The following PPM1H variants were observed in gnomAD, a reference collection of about 807,000 sequenced individuals.
PPM1H encodes the protein protein phosphatase 1H.
PPM1H carries 27 observed loss-of-function variants against 54.9 expected under a neutral mutation model. The observed-to-expected ratio is 0.49, with a 90% confidence interval of 0.36 to 0.68. PPM1H has a LOEUF of 0.68. PPM1H is among the 30% of genes least tolerant of loss of function. PPM1H has a pLI of 0.00. For missense variants in PPM1H, 596 were observed against 667.8 expected, an observed-to-expected ratio of 0.89 and a Z score of 1.19; for synonymous variants, 305 against 270.8, an observed-to-expected ratio of 1.13 and a Z score of -1.24.
chr12:62,683,041 TATTA>T (rs1565755382), intron 8 of PPM1H, among the ~76,000 whole-genome samples: 11 of 57,582 alleles, frequency 1.9e-4, no homozygotes, highest in Non-Finnish European at 2.9e-4. Flanking sequence ...TATTTATTAT[TATTA>T]TTATTATTAT....
intron 1 of PPM1H, among the ~76,000 whole-genome samples, chr12:62,909,416 A>C: frequency 6.6e-6 from 1 of 151,316 alleles, no homozygotes; most frequent in Non-Finnish European, 1.5e-5. Context: ...TCTCCTCTGG[A>C]CCCTCATTTC....
intron 1 of PPM1H, among the ~76,000 whole-genome samples, chr12:62,899,642 C>G (rs1871098041): frequency 6.6e-6 from 1 of 152,158 alleles, no homozygotes; most frequent in Admixed American, 6.5e-5. Flanking sequence ...GCCAGCTTTG[C>G]TGAGACAGAT....
intron 1 of PPM1H, among the ~76,000 whole-genome samples, chr12:62,853,944 T>C (rs766641085): frequency 6.6e-6 from 1 of 152,156 alleles, no homozygotes; most frequent in Non-Finnish European, 1.5e-5. Context: ...CACAGAGTAC[T>C]ACAGAGATGG....
At chr12:62,818,220 C>A (rs1476572555) in intron 2 of PPM1H, among the ~76,000 whole-genome samples, 4 of 152,210 alleles carry the variant, frequency 2.6e-5, no homozygotes, top group African/African-American at 9.6e-5. Flanking sequence ...TGATCTCTTT[C>A]TCCTTCCACA....
chr12:62,723,107 G>A (rs2076272327), intron 5 of PPM1H, among the ~76,000 whole-genome samples: 1 of 152,162 alleles, frequency 6.6e-6, no homozygotes, highest in African/African-American at 2.4e-5. Context: ...TGGCAACACA[G>A]TCCACTGTAA....
chr12:62,911,764 A>C (rs1871466948), intron 1 of PPM1H, among the ~76,000 whole-genome samples: 1 of 152,214 alleles, frequency 6.6e-6, no homozygotes, highest in Non-Finnish European at 1.5e-5. Context: ...ACAAAGTAGG[A>C]CAGATGTCTA....
At chr12:62,718,005 A>G (rs1057298143) in intron 6 of PPM1H, among the ~76,000 whole-genome samples, 1 of 152,254 alleles carries the variant, frequency 6.6e-6, no homozygotes, top group African/African-American at 2.4e-5. Context: ...GCATAGAAAG[A>G]ACATAGGTAC....
At chr12:62,902,979 T>C (rs764741424) in intron 1 of PPM1H, among the ~76,000 whole-genome samples, 6 of 152,204 alleles carry the variant, frequency 3.9e-5, no homozygotes, top group Non-Finnish European at 8.8e-5. Context: ...GACTAAGTAT[T>C]TGATCACTGC....
chr12:62,887,325 G>C (rs1340351693), intron 1 of PPM1H, among the ~76,000 whole-genome samples: 1 of 152,210 alleles, frequency 6.6e-6, no homozygotes, highest in Non-Finnish European at 1.5e-5. Flanking sequence ...CCATGTGTCA[G>C]TTACAGTACT....
Position 62,926,911 on chromosome 12 carries a change from G to A in PPM1H, c.245+7581C>T, listed in dbSNP as rs142263041. 5.8e-3 allele frequency among the ~76,000 whole-genome samples: 890 copies of A among 152,228 alleles called. 9 individuals carry two copies. The highest frequency in any genetic ancestry group is 0.02 in the African/African-American group (841 of 41,512). The stretch of plus-strand genomic sequence containing the variant: ...GGAGGTTGCAGTGAGCCAAGATTGT[G>A]CCATTGCACTCCAGCCTGCAGGACA... On this transcript the variant is annotated intron_variant, in intron 1 of 9. Transcript: ENST00000228705.
rs565162489 is a variant in PPM1H, at chr12:62,830,535, G to A, written c.411+1579C>T. On this transcript the variant is annotated intron_variant, in intron 2 of 9. Transcript: ENST00000228705. ...CTCCCAAAGTGCTGGGATTACAGGC[G>A]TGAGCCACCGCACCCAGCCTGTTAT... is the stretch of plus-strand genomic sequence containing the variant. Among the ~76,000 whole-genome samples, 38 of 152,296 alleles carry A rather than the reference G, an allele frequency of 2.5e-4. 1 individual carries two copies. Among genetic ancestry groups the A allele is most frequent in the South Asian group, 6.2e-4 (3 of 4,820 alleles).
chr12:62,657,656 G>GT (rs2075852622), intron 9 of PPM1H, among the ~76,000 whole-genome samples: 1 of 152,170 alleles, frequency 6.6e-6, no homozygotes, highest in African/African-American at 2.4e-5. Flanking sequence ...TTAAGGCATA[G>GT]TTTTTGAAAA....
chr12:62,661,782 G>T (rs1034190634), intron 9 of PPM1H, among the ~76,000 whole-genome samples: 19 of 152,236 alleles, frequency 1.2e-4, no homozygotes, highest in Admixed American at 9.8e-4. Context: ...TTGAACTCAA[G>T]CTTAAGCCAT....
intron 1 of PPM1H, among the ~76,000 whole-genome samples, chr12:62,841,910 T>A (rs1868766182): frequency 6.6e-6 from 1 of 152,240 alleles, no homozygotes. Context: ...GAAATGAACA[T>A]TTAACATAGT....
intron 2 of PPM1H, among the ~76,000 whole-genome samples, chr12:62,815,843 G>A (rs10506448): frequency 0.065 from 9,957 of 152,192 alleles, 441 homozygotes; most frequent in Middle Eastern, 0.12. Context: ...TATCCAATCA[G>A]AGGGCTTTTT....
chr12:62,669,577 T>A (rs1565750854), intron 8 of PPM1H, among the ~76,000 whole-genome samples: 1 of 152,156 alleles, frequency 6.6e-6, no homozygotes, highest in Non-Finnish European at 1.5e-5. Flanking sequence ...AGACTGTTCC[T>A]TAGAGTGGGC....
At chr12:62,906,375 G>T (rs1359198088) in intron 1 of PPM1H, among the ~76,000 whole-genome samples, 1 of 152,204 alleles carries the variant, frequency 6.6e-6, no homozygotes, top group Admixed American at 6.5e-5. Flanking sequence ...CTGGATCTTT[G>T]TGTGCTGTTT....
chr12:62,788,511 G>A (rs2076686309), intron 3 of PPM1H, 173 bp from the exon 4 acceptor site: 2 of 515,248 alleles, frequency 3.9e-6, no homozygotes, highest in Non-Finnish European at 6.9e-6. Flanking sequence ...GAGGACACTG[G>A]CATAAAACTG....
chr12:62,926,557 A>C (rs1442151992), intron 1 of PPM1H, among the ~76,000 whole-genome samples: 1 of 152,224 alleles, frequency 6.6e-6, no homozygotes, highest in Non-Finnish European at 1.5e-5. Context: ...AAATATCACA[A>C]CATAATAGGC....
Sources: gnomAD v4.1 joint callset for allele counts (sites outside exome capture counted in the v4.1 genomes callset) on GRCh38, gnomAD v4.1.1 for gene constraint, MANE v1.5 for transcripts, NCBI Gene and HGNC (gene_info 2026-07-23, HGNC 2026-07-21) for gene names.